Variants in ELOA observed in about 807,000 individuals in gnomAD.
ELOA encodes elongin A.
In ELOA, 15 loss-of-function variants were observed where a neutral mutation model predicts 85.2. The ratio of observed to expected loss-of-function variants is 0.18; its 90% CI spans 0.12 to 0.27. The LOEUF (loss-of-function observed/expected upper bound fraction) is 0.27. Ranked by LOEUF, ELOA falls within the 10% of genes least tolerant of loss-of-function variation. ELOA has a pLI of 1.00. For missense variants in ELOA, 769 were observed against 952.7 expected, an observed-to-expected ratio of 0.81 and a Z score of 2.54; for synonymous variants, 348 against 357.2, an observed-to-expected ratio of 0.97 and a Z score of 0.29.
chr1:23,749,320 A>T (rs754246710), intron 2 of ELOA, among the ~76,000 whole-genome samples: 6 of 152,210 alleles, frequency 3.9e-5, no homozygotes, highest in Admixed American at 1.3e-4. Flanking sequence ...TTTTTAGGGT[A>T]ATGTAAATGT....
intron 1 of ELOA, among the ~76,000 whole-genome samples, chr1:23,747,818 T>C (rs1219064336): frequency 3.3e-5 from 5 of 152,210 alleles, no homozygotes; most frequent in Admixed American, 2.6e-4. Context: ...TAAGTAATGA[T>C]TGAAGTAGAA....
intron 1 of ELOA, among the ~76,000 whole-genome samples, chr1:23,747,297 T>C (rs894779739): frequency 2.0e-5 from 3 of 152,262 alleles, no homozygotes; most frequent in African/African-American, 7.2e-5. Context: ...TGTTCTGATG[T>C]TGGATGCTTC....
At chr1:23,743,697 C>T (rs1644733266) in intron 1 of ELOA, 119 bp downstream of exon 1, 3 of 1,228,572 alleles carry the variant, frequency 2.4e-6, no homozygotes, top group African/African-American at 3.2e-5. Flanking sequence ...CCCCGCGGGG[C>T]TGGGGTCGTG....
chr1:23,749,166 C>A, intron 2 of ELOA, 89 bp downstream of exon 2: 2 of 1,172,162 alleles, frequency 1.7e-6, no homozygotes, highest in Non-Finnish European at 2.5e-6. Flanking sequence ...CAAGTATGGG[C>A]TTTGGAAGTG....
In ELOA at chr1:23,755,761, C is replaced by T. The variant is rs1644791475; in HGVS notation, c.1792-82C>T. 2.8e-6 allele frequency: 4 copies of T among 1,413,934 alleles called. No homozygotes were observed. In the South Asian group the frequency reaches 4.4e-5, roughly 15 times the overall value. 87.6% of individuals were successfully genotyped at this position (1,413,934 alleles called of 1,614,324 possible). ...CACCACTGCACTGCAGTCTACACGA[C>T]AGAGCAAGACTCTGTCTCAAAAAAA... On this transcript the variant is annotated intron_variant, in intron 7 of 10. Coordinates refer to ENST00000613537, the MANE Select transcript of ELOA (RefSeq NM_003198.3).
chr1:23,755,844 T>A lies in ELOA; in HGVS notation c.1793T>A (p.Val598Glu). 5.0e-6 allele frequency: 8 copies of A among 1,597,698 alleles called. No homozygotes were observed. Among genetic ancestry groups the A allele is most frequent in the Non-Finnish European group, 6.8e-6 (8 of 1,173,938 alleles). Residue 598 changes from valine (V) to glutamate (E), a missense_variant and splice_region_variant, in exon 8 of 11, where the codon GTA (valine) becomes GAA (glutamate). Val to Glu is a moderately radical substitution (Grantham distance 121). Coordinates refer to ENST00000613537, the MANE Select transcript of ELOA (RefSeq NM_003198.3). The part of the protein sequence containing the change: ...QLYRIEEYNH[V>E]LIEETDQLWK... ...ATGATGTCCTGGTTCTGGTTTCAGG[T>A]ATTAATTGAAGAAACAGATCAATTA...
intron 4 of ELOA, 111 bp downstream of exon 4, chr1:23,752,141 A>C (rs1263676321): frequency 1.3e-5 from 14 of 1,114,660 alleles, no homozygotes; most frequent in Non-Finnish European, 1.8e-5. Context: ...GGGCATGTTG[A>C]ATTTCAGTGT....
intron 7 of ELOA, among the ~76,000 whole-genome samples, chr1:23,754,884 A>T (rs958227855): frequency 6.6e-6 from 1 of 151,388 alleles, no homozygotes; most frequent in African/African-American, 2.4e-5. Flanking sequence ...GGGTATACAC[A>T]TTTGATTGCA....
Position 23,761,833 on chromosome 1 carries a change from C to T in ELOA, c.*2260C>T, listed in dbSNP as rs979349991. The T allele has an allele frequency of 6.6e-6, 1 of 152,064 alleles. No homozygotes were observed. The highest frequency in any genetic ancestry group is 1.5e-5 in the Non-Finnish European group (1 of 68,012). 9.4% of individuals were successfully genotyped at this position (152,064 alleles called of 1,614,324 possible). A position where few individuals can be genotyped will look rare whatever the true frequency, so the allele number is the denominator to read the frequency against. On this transcript the variant is annotated 3_prime_UTR_variant, in exon 11 of 11. Transcript: ENST00000613537. The stretch of plus-strand genomic sequence containing the variant: ...ACAAATCACCAAATTACAAATTACC[C>T]TTTTGTGATCCTTGGTGTACTGAGC...
At chr1:23,752,689 TC>T (rs1435347801) in intron 5 of ELOA, among the ~76,000 whole-genome samples, 171 bp downstream of exon 5, 1 of 151,968 alleles carries the variant, frequency 6.6e-6, no homozygotes, top group African/African-American at 2.4e-5. Flanking sequence ...ACTCCTGTAA[TC>T]CCAGCACTTT....
At position 23,751,855 on chromosome 1, in the gene ELOA, G is replaced by A. The variant is rs760757694; in HGVS notation, c.1250G>A (p.Arg417Gln). 7 of 1,613,630 alleles carry A rather than the reference G, an allele frequency of 4.3e-6. 1 individual carries two copies. Among genetic ancestry groups the A allele is most frequent in the Admixed American group, 1.7e-5 (1 of 59,924 alleles). The change falls in exon 4 of 11, where the codon CGG (arginine) becomes CAG (glutamine). Residue 417 changes from arginine (R) to glutamine (Q), a missense_variant. Transcript: ENST00000613537. ...FESYLSYDQP[R>Q]KKKKKIVKTS... ...TCCTACCTCAGCTATGACCAGCCCC[G>A]GAAGAAAAAGAAAAAGATTGTGAAA...
intron 10 of ELOA, 54 bp from the exon 11 acceptor site, chr1:23,759,458 G>GT (rs1189415615): frequency 5.1e-6 from 8 of 1,570,504 alleles, no homozygotes; most frequent in Non-Finnish European, 7.0e-6. Context: ...ACTACTGGGG[G>GT]TGTGTCTAAG....
chr1:23,750,605 AT>A (rs1553125662), intron 3 of ELOA, among the ~76,000 whole-genome samples: 1 of 151,912 alleles, frequency 6.6e-6, no homozygotes, highest in Non-Finnish European at 1.5e-5. Context: ...AAATCTCCAC[AT>A]TTTCATGTAT....
chr1:23,759,662 A>G lies in ELOA; in HGVS notation c.*89A>G. On this transcript the variant is annotated 3_prime_UTR_variant, in exon 11 of 11. Transcript: ENST00000613537. ...GGAATGGAATTCTACAGGAGACTGG[A>G]GTCTTGCTTTGTGGATCCTTTTGGT... 6.7e-7 allele frequency: 1 copy of G among 1,486,310 alleles called. No homozygotes were observed. Among genetic ancestry groups the G allele is most frequent in the South Asian group, 1.1e-5 (1 of 87,656 alleles). The allele number at this position is 1,486,310 out of a possible 1,614,324, so 92.1% of individuals were successfully genotyped here. A position where few individuals can be genotyped will look rare whatever the true frequency, so the allele number is the denominator to read the frequency against.
chr1:23,750,780 C>G, intron 3 of ELOA, 65 bp from the exon 4 acceptor site: 2 of 1,436,494 alleles, frequency 1.4e-6, no homozygotes, highest in East Asian at 4.8e-5. Flanking sequence ...AGTTCAGATT[C>G]TGTGACTTTG....
chr1:23,748,308 C>G (rs1422066605), intron 1 of ELOA, among the ~76,000 whole-genome samples: 1 of 150,324 alleles, frequency 6.7e-6, no homozygotes, highest in Non-Finnish European at 1.5e-5. Flanking sequence ...TTCAAGATCA[C>G]TCATCGAGTG....
intron 7 of ELOA, 32 bp from the exon 8 acceptor site, chr1:23,755,811 G>C: frequency 6.7e-7 from 1 of 1,484,140 alleles, no homozygotes; most frequent in Non-Finnish European, 9.2e-7. Flanking sequence ...AAAAGTGCTT[G>C]TACACAAATG....
chr1:23,758,275 T>TA (rs1557456787), intron 10 of ELOA, among the ~76,000 whole-genome samples: 3 of 103,702 alleles, frequency 2.9e-5, no homozygotes, highest in Non-Finnish European at 6.0e-5. Flanking sequence ...TTTTTTTTTT[T>TA]TTTTTTTTTT....
intron 7 of ELOA, 80 bp from the exon 8 acceptor site, chr1:23,755,761 CAG>C: frequency 1.4e-6 from 2 of 1,413,934 alleles, no homozygotes; most frequent in South Asian, 2.9e-5. Context: ...GTCTACACGA[CAG>C]AGCAAGACTC....
Sources: gnomAD v4.1 joint callset for allele counts (sites outside exome capture counted in the v4.1 genomes callset) on GRCh38, gnomAD v4.1.1 for gene constraint, MANE v1.5 for transcripts, NCBI Gene and HGNC (gene_info 2026-07-23, HGNC 2026-07-21) for gene names.